Variants in PRKN observed in about 807,000 individuals in gnomAD.
PRKN encodes the protein E3 ubiquitin-protein ligase parkin.
Under a neutral mutation model 59.5 loss-of-function variants are expected in PRKN, and 56 were observed. That is an observed-to-expected ratio of 0.94 (90% confidence interval 0.76 to 1.18). The LOEUF is 1.18. Ranked by LOEUF, PRKN falls within the 50% of genes most tolerant of loss-of-function variation. The probability of loss-of-function intolerance (pLI) is 0.00; values close to 1 mark genes in which losing one functional copy is unlikely to be tolerated. For synonymous variants in PRKN, 250 were observed against 222.1 expected, an observed-to-expected ratio of 1.13 and a Z score of -1.12; for missense variants, 657 against 596.4, an observed-to-expected ratio of 1.10 and a Z score of -1.06.
chr6:162,613,904 G>A (rs562371191), intron 1 of PRKN, among the ~76,000 whole-genome samples: 3 of 151,986 alleles, frequency 2.0e-5, no homozygotes, highest in Non-Finnish European at 2.9e-5. Context: ...CTACCAAAAA[G>A]GTCAAGATCT....
intron 9 of PRKN, among the ~76,000 whole-genome samples, chr6:161,523,761 G>A (rs1188273570): frequency 6.6e-6 from 1 of 152,124 alleles, no homozygotes; most frequent in Non-Finnish European, 1.5e-5. Context: ...ATCTTAAAAT[G>A]GTATCCTTTT....
chr6:161,606,657 T>TAA (rs1341195672), intron 7 of PRKN, among the ~76,000 whole-genome samples: 1 of 152,126 alleles, frequency 6.6e-6, no homozygotes, highest in Admixed American at 6.5e-5. Flanking sequence ...CAGAGAAAGC[T>TAA]AAAGCCTCAC....
intron 2 of PRKN, among the ~76,000 whole-genome samples, chr6:162,431,558 A>AG (rs1042460910): frequency 1.1e-4 from 15 of 138,766 alleles, no homozygotes; most frequent in African/African-American, 5.1e-4. Flanking sequence ...ACTCTGTCTC[A>AG]AAAAAAACAA....
At position 161,371,968 on chromosome 6, in the gene PRKN, C is replaced by G. The variant is rs765543309; in HGVS notation, c.1168-11763G>C. Among the ~76,000 whole-genome samples, 274 of 152,290 alleles carry G rather than the reference C, an allele frequency of 1.8e-3. 2 individuals carry two copies. Among genetic ancestry groups the G allele is most frequent in the Non-Finnish European group, 3.0e-3 (203 of 68,014 alleles). Reference sequence around the variant, plus strand: ...AGGGCATTTTTGACAATGATTCTAACAGTGGTGATTTCTGCTAGGAGTGGA... The same window carrying G: ...AGGGCATTTTTGACAATGATTCTAAGAGTGGTGATTTCTGCTAGGAGTGGA... On this transcript the variant is annotated intron_variant, in intron 10 of 11. Transcript: ENST00000366898. This position sits in a 1 kb window ranked among gnomAD's most constrained non-coding sequence, Gnocchi z 5.5.
intron 4 of PRKN, among the ~76,000 whole-genome samples, chr6:162,146,173 T>C (rs1284991075): frequency 6.6e-6 from 1 of 152,144 alleles, no homozygotes; most frequent in East Asian, 1.9e-4. Context: ...TTTTTCTATA[T>C]AGCACCCACG....
chr6:162,057,706 T>C (rs995954526), intron 4 of PRKN, among the ~76,000 whole-genome samples: 3 of 152,258 alleles, frequency 2.0e-5, no homozygotes, highest in Non-Finnish European at 1.5e-5. Flanking sequence ...GCTTTAGCCA[T>C]GCAACTTCTG....
intron 1 of PRKN, among the ~76,000 whole-genome samples, chr6:162,459,566 TAC>T (rs1316229032): frequency 6.6e-6 from 1 of 152,158 alleles, no homozygotes; most frequent in African/African-American, 2.4e-5. Context: ...CAGTGGCAAA[TAC>T]AGAGGCTCTC....
intron 9 of PRKN, among the ~76,000 whole-genome samples, chr6:161,481,634 A>C (rs940410666): frequency 6.6e-5 from 10 of 152,242 alleles, no homozygotes; most frequent in African/African-American, 1.7e-4. Context: ...AACAAACAAA[A>C]AAACAAAAAC....
In PRKN at chr6:161,655,314, A is replaced by G. The variant is rs540888660; in HGVS notation, c.872-85898T>C. Among the ~76,000 whole-genome samples the G allele has an allele frequency of 3.1e-3, 472 of 150,608 alleles. 2 individuals carry two copies. The highest frequency in any genetic ancestry group is 6.7e-3 in the African/African-American group (272 of 40,758). The stretch of plus-strand genomic sequence containing the variant: ...CATCACCACCAAGGTGCACTGTCAC[A>G]GAGGCATTCCTGGGCCCACCCAGGC... On this transcript the variant is annotated intron_variant, in intron 7 of 11. Transcript: ENST00000366898.
At chr6:162,141,057 G>A (rs761097629) in intron 4 of PRKN, among the ~76,000 whole-genome samples, 1 of 152,052 alleles carries the variant, frequency 6.6e-6, no homozygotes, top group Non-Finnish European at 1.5e-5. Context: ...GTGAACCCGG[G>A]AGGCGGAGCT....
chr6:162,520,392 G>A (rs535092998), intron 1 of PRKN, among the ~76,000 whole-genome samples: 24 of 152,240 alleles, frequency 1.6e-4, no homozygotes, highest in African/African-American at 5.1e-4. Flanking sequence ...GATGAATTCA[G>A]GGAAACATTT....
intron 9 of PRKN, among the ~76,000 whole-genome samples, chr6:161,476,139 A>G (rs1244952872): frequency 6.6e-6 from 1 of 151,730 alleles, no homozygotes; most frequent in East Asian, 1.9e-4. Context: ...GTGAGCCGAG[A>G]TCGCGCCACT....
At chr6:162,014,123 A>G (rs912260885) in intron 5 of PRKN, among the ~76,000 whole-genome samples, 13 of 152,044 alleles carry the variant, frequency 8.6e-5, no homozygotes, top group African/African-American at 2.9e-4. Flanking sequence ...CCATCGGGAA[A>G]TTTATCTCAC....
chr6:162,598,881 A>T (rs1027656397), intron 1 of PRKN, among the ~76,000 whole-genome samples: 11 of 151,302 alleles, frequency 7.3e-5, no homozygotes, highest in African/African-American at 2.7e-4. Flanking sequence ...GCAATTGCAG[A>T]ATAATTAAAT....
intron 1 of PRKN, among the ~76,000 whole-genome samples, chr6:162,637,663 TCTGA>T (rs367686385): frequency 1.4e-3 from 213 of 152,288 alleles, no homozygotes; most frequent in Middle Eastern, 3.4e-3. Context: ...CCCTATTAAC[TCTGA>T]CTATCATAAA....
chr6:162,653,122 TCTAA>T (rs1349396505), intron 1 of PRKN, among the ~76,000 whole-genome samples: 7 of 152,326 alleles, frequency 4.6e-5, no homozygotes, highest in African/African-American at 1.4e-4. Context: ...TCTAGAGAAT[TCTAA>T]CTGAGTTTAA....
At chr6:162,530,225 T>C (rs555990137) in intron 1 of PRKN, among the ~76,000 whole-genome samples, 1 of 152,166 alleles carries the variant, frequency 6.6e-6, no homozygotes, top group East Asian at 1.9e-4. Context: ...TGGATTTGCC[T>C]GGAAATGGAA....
At chr6:162,413,550 A>G (rs1788456926) in intron 2 of PRKN, among the ~76,000 whole-genome samples, 1 of 152,210 alleles carries the variant, frequency 6.6e-6, no homozygotes, top group African/African-American at 2.4e-5. Context: ...AGGGCCAAAC[A>G]TTATCTGTAT....
intron 4 of PRKN, among the ~76,000 whole-genome samples, chr6:162,176,853 A>G (rs1383733326): frequency 6.6e-6 from 1 of 152,166 alleles, no homozygotes; most frequent in Non-Finnish European, 1.5e-5. Context: ...GAAATGCTCA[A>G]TAAACAGATG....
Sources: gnomAD v4.1 joint callset for allele counts (sites outside exome capture counted in the v4.1 genomes callset) on GRCh38, gnomAD v4.1.1 for gene constraint, Gnocchi (gnomAD v3.1) non-coding constraint, MANE v1.5 for transcripts, NCBI Gene and HGNC (gene_info 2026-07-23, HGNC 2026-07-21) for gene names.